The following DNER variants were observed in gnomAD, a reference collection of about 807,000 sequenced individuals.
The protein encoded by DNER is delta/notch like EGF repeat containing.
A neutral mutation model predicts 78.2 loss-of-function variants in DNER; 33 were observed. That is an observed-to-expected ratio of 0.42 (90% CI 0.32 to 0.56). DNER has a LOEUF of 0.56. DNER is among the 20% of genes least tolerant of loss of function. The pLI, the probability that DNER is intolerant of heterozygous loss-of-function variation, is 0.11. For missense variants in DNER, 918 were observed against 975.3 expected, an observed-to-expected ratio of 0.94 and a Z score of 0.78; for synonymous variants, 417 against 384.8, an observed-to-expected ratio of 1.08 and a Z score of -0.98.
chr2:229,596,651 G>A (rs1697719527), intron 1 of DNER, among the ~76,000 whole-genome samples: 1 of 152,218 alleles, frequency 6.6e-6, no homozygotes, highest in South Asian at 2.1e-4. Context: ...CCACATCCAG[G>A]AGTCAGTCCC....
intron 10 of DNER, among the ~76,000 whole-genome samples, chr2:229,389,719 G>A (rs1293354565): frequency 6.6e-6 from 1 of 152,088 alleles, no homozygotes; most frequent in African/African-American, 2.4e-5. Context: ...CCATTTTAGA[G>A]GAGGAATCTC....
At chr2:229,618,269 T>C (rs1003610935) in intron 1 of DNER, among the ~76,000 whole-genome samples, 5 of 152,144 alleles carry the variant, frequency 3.3e-5, no homozygotes, top group African/African-American at 1.2e-4. Flanking sequence ...AAAAGCTTCA[T>C]GCTGTGAAGG....
intron 1 of DNER, among the ~76,000 whole-genome samples, chr2:229,634,178 A>G (rs1698488903): frequency 6.6e-6 from 1 of 152,232 alleles, no homozygotes; most frequent in South Asian, 2.1e-4. Flanking sequence ...TTTCGTTAAA[A>G]ATATTGAACA....
intron 1 of DNER, among the ~76,000 whole-genome samples, chr2:229,616,236 TG>T (rs977989314): frequency 6.6e-6 from 1 of 152,230 alleles, no homozygotes; most frequent in African/African-American, 2.4e-5. Flanking sequence ...GGGGCCACCA[TG>T]GGCCGTGTGA....
intron 1 of DNER, among the ~76,000 whole-genome samples, chr2:229,645,826 C>T (rs1357008925): frequency 1.3e-5 from 2 of 152,206 alleles, no homozygotes; most frequent in African/African-American, 4.8e-5. Context: ...TCAGTCCTCA[C>T]TCTGCAGAGG....
At chr2:229,710,410 C>T (rs1699892067) in intron 1 of DNER, among the ~76,000 whole-genome samples, 1 of 152,316 alleles carries the variant, frequency 6.6e-6, no homozygotes, top group Non-Finnish European at 1.5e-5. Context: ...AGTTCTCACA[C>T]TTACTAGCAG....
chr2:229,445,940 GAA>G (rs745988667), intron 8 of DNER, among the ~76,000 whole-genome samples: 5 of 152,150 alleles, frequency 3.3e-5, no homozygotes, highest in Non-Finnish European at 7.4e-5. Context: ...GAGTCTATGT[GAA>G]AAAAGGCTTT....
At chr2:229,612,364 T>C (rs547197749) in intron 1 of DNER, among the ~76,000 whole-genome samples, 22 of 152,282 alleles carry the variant, frequency 1.4e-4, no homozygotes, top group African/African-American at 5.1e-4. Context: ...TGGGGGACCC[T>C]GGTGGAAGCC....
intron 1 of DNER, among the ~76,000 whole-genome samples, chr2:229,642,849 C>T (rs764428664): frequency 2.6e-5 from 4 of 152,084 alleles, no homozygotes; most frequent in Non-Finnish European, 5.9e-5. Flanking sequence ...GAGTAGGATC[C>T]AATGTAGTGA....
At chr2:229,667,909 C>G (rs1010642985) in intron 1 of DNER, among the ~76,000 whole-genome samples, 10 of 152,200 alleles carry the variant, frequency 6.6e-5, no homozygotes, top group African/African-American at 2.4e-4. Flanking sequence ...GGAATGTGAA[C>G]AAATCCATTC....
intron 8 of DNER, among the ~76,000 whole-genome samples, chr2:229,431,345 T>C (rs944670689): frequency 3.3e-5 from 5 of 152,156 alleles, no homozygotes. Flanking sequence ...GGAAACAGTG[T>C]CTAAAGGCCT....
At position 229,714,441 on chromosome 2, in the gene DNER, C is replaced by T; in HGVS notation, c.-18G>A. On this transcript the variant is annotated 5_prime_UTR_variant, in exon 1 of 13. Transcript: ENST00000341772. ...GGCTGCATGGCCGGCCGGGAGGGCG[C>T]GGGAGCCGGAGCCAGGACGCAGTGA... The T allele has an allele frequency of 1.8e-6, 2 of 1,121,724 alleles. No individual in the cohort carries two copies. Among genetic ancestry groups the T allele is most frequent in the African/African-American group, 1.7e-5 (1 of 60,418 alleles). The allele number at this position is 1,121,724 out of a possible 1,614,324, so 69.5% of individuals were successfully genotyped here.
chr2:229,685,592 G>A (rs915216429), intron 1 of DNER, among the ~76,000 whole-genome samples: 2 of 152,124 alleles, frequency 1.3e-5, no homozygotes, highest in Non-Finnish European at 2.9e-5. Flanking sequence ...ATGGATAAAC[G>A]GGCCTGTGTA....
intron 6 of DNER, among the ~76,000 whole-genome samples, chr2:229,477,708 TATA>T: frequency 6.6e-6 from 1 of 152,328 alleles, no homozygotes; most frequent in South Asian, 2.1e-4. Flanking sequence ...AGTTTTAATT[TATA>T]ATATTTTAGA....
At chr2:229,594,851 C>T (rs188526917) in intron 1 of DNER, among the ~76,000 whole-genome samples, 49 of 149,400 alleles carry the variant, frequency 3.3e-4, no homozygotes, top group African/African-American at 1.2e-3. Flanking sequence ...TGCCTGAATG[C>T]TTTTTTGAGA....
At chr2:229,497,510 GT>G (rs574392490) in intron 6 of DNER, among the ~76,000 whole-genome samples, 2 of 151,512 alleles carry the variant, frequency 1.3e-5, no homozygotes, top group African/African-American at 4.8e-5. Flanking sequence ...CTAATCAGTT[GT>G]TTTTTTTAAA....
In DNER at chr2:229,636,268, A is replaced by C. The variant is rs1698530262; in HGVS notation, c.277-44380T>G. Among the ~76,000 whole-genome samples the C allele has an allele frequency of 2.0e-5, 3 of 152,232 alleles. No individual in the cohort carries two copies. In the South Asian group the frequency reaches 6.2e-4, roughly 31 times the overall value. ...ATCCAACAGCTGGGCTCAGTCCCTCAGAATCCCTGAGTCAGAAGCACCCCT... is the reference window on the plus strand; with the variant it reads ...ATCCAACAGCTGGGCTCAGTCCCTCCGAATCCCTGAGTCAGAAGCACCCCT... On this transcript the variant is annotated intron_variant, in intron 1 of 12. Transcript: ENST00000341772.
intron 7 of DNER, among the ~76,000 whole-genome samples, chr2:229,468,681 G>A (rs568991823): frequency 5.1e-4 from 78 of 152,172 alleles, no homozygotes; most frequent in African/African-American, 1.8e-3. Context: ...CCTGTCTCCT[G>A]CACAGCCAGC....
At chr2:229,474,672 C>A (rs1694994905) in intron 7 of DNER, among the ~76,000 whole-genome samples, 1 of 152,162 alleles carries the variant, frequency 6.6e-6, no homozygotes, top group Non-Finnish European at 1.5e-5. Flanking sequence ...CTCCACTTGA[C>A]TATCACAAGG....
Sources: allele counts gnomAD v4.1 joint callset (sites outside exome capture counted in the v4.1 genomes callset), GRCh38; gene constraint gnomAD v4.1.1; transcripts MANE v1.5; gene names NCBI Gene and HGNC (gene_info 2026-07-23, HGNC 2026-07-21).